Variants in CASP5 observed in about 807,000 individuals in gnomAD.
CASP5 encodes caspase 5, also known as caspase-5.
In CASP5, 42 loss-of-function variants were observed where a neutral mutation model predicts 45.2. That is an observed-to-expected ratio of 0.93 (90% CI 0.73 to 1.20). The LOEUF is 1.20. Among genes scored for constraint, CASP5 ranks in the 50% most tolerant of loss-of-function variants. The probability of loss-of-function intolerance (pLI) is 0.00; values close to 1 mark genes in which losing one functional copy is unlikely to be tolerated. For missense variants in CASP5, 512 were observed against 532.2 expected, an observed-to-expected ratio of 0.96 and a Z score of 0.37; for synonymous variants, 209 against 186.2, an observed-to-expected ratio of 1.12 and a Z score of -1.00.
chr11:105,003,530 A>G (rs1861854451), intron 3 of CASP5, 147 bp from the exon 4 acceptor site: 1 of 520,432 alleles, frequency 1.9e-6, no homozygotes, highest in African/African-American at 2.0e-5. Context: ...TTTCCAGCTT[A>G]AGGAAATGTG....
chr11:105,016,709 G>A (rs1862622845), intron 1 of CASP5, among the ~76,000 whole-genome samples: 1 of 152,188 alleles, frequency 6.6e-6, no homozygotes, highest in African/African-American at 2.4e-5. Context: ...CAAACTGCAA[G>A]GCAGCAGCGA....
chr11:105,000,575 A>C, intron 5 of CASP5, 80 bp from the exon 6 acceptor site: 1 of 1,284,354 alleles, frequency 7.8e-7, no homozygotes, highest in Non-Finnish European at 1.1e-6. Context: ...TGAGCGAAAC[A>C]AGAAACATAT....
Position 105,001,080 on chromosome 11 carries a change from T to C in CASP5, c.718-585A>G, listed in dbSNP as rs71484373. On this transcript the variant is annotated intron_variant, in intron 5 of 9. Transcript: ENST00000260315. ...CCTTCCGGTAGTGCCGTCCAACTCC[T>C]GTGTTCTCTCCCCACAGAGGCTTTT... Among the ~76,000 whole-genome samples the C allele has an allele frequency of 5.2e-3, 791 of 152,314 alleles. 2 individuals are homozygous for C. Among genetic ancestry groups the C allele is most frequent in the Non-Finnish European group, 8.1e-3 (551 of 68,022 alleles).
In CASP5 at chr11:104,999,018, C is replaced by T. The variant is rs1861601824; in HGVS notation, c.963G>A (p.Gly321=). The T allele has an allele frequency of 6.3e-7, 1 of 1,595,846 alleles. No homozygotes were observed. Among genetic ancestry groups the T allele is most frequent in the East Asian group, 2.2e-5 (1 of 44,792 alleles). Residue 321 remains glycine (G), a synonymous_variant, in exon 7 of 10, where the codon GGG becomes GGA. Transcript: ENST00000260315. ...CTGGAGAGTCTCTGACCCAGAGTTC[C>T]CCATGTTTTTCTGTAGAGACATCAA... The part of the protein sequence containing the change: ...IVQACRGEKH[G]ELWVRDSPAS...
chr11:105,015,153 A>G (rs1489383734), intron 1 of CASP5, among the ~76,000 whole-genome samples: 1 of 152,218 alleles, frequency 6.6e-6, no homozygotes, highest in Non-Finnish European at 1.5e-5. Flanking sequence ...ACAGAACATT[A>G]GAGTGTTGAG....
intron 3 of CASP5, among the ~76,000 whole-genome samples, chr11:105,005,785 T>C (rs1334489350): frequency 1.3e-5 from 2 of 152,068 alleles, no homozygotes; most frequent in African/African-American, 4.8e-5. Context: ...ACAAATATGA[T>C]TCCTATTTGT....
In CASP5 at chr11:105,002,232, T is replaced by C. The variant is rs752701877; in HGVS notation, c.544-31A>G. The C allele has an allele frequency of 1.5e-5, 24 of 1,608,912 alleles. No homozygotes were observed. In the Admixed American group the frequency reaches 3.5e-4, roughly 24 times the overall value. The stretch of plus-strand genomic sequence containing the variant: ...GGAGATGGAGATGAAGCAACTTTGA[T>C]TACCCGAGTCTCTTTTCAACCCCCA... On this transcript the variant is annotated intron_variant, in intron 4 of 9. Transcript: ENST00000260315.
chr11:105,000,554 T>C, intron 5 of CASP5, 59 bp from the exon 6 acceptor site: 1 of 1,468,870 alleles, frequency 6.8e-7, no homozygotes, highest in Non-Finnish European at 9.5e-7. Context: ...TAGGACCTCC[T>C]AGATTTACCA....
chr11:105,001,150 CAT>C (rs935023899), intron 5 of CASP5, among the ~76,000 whole-genome samples: 1 of 152,230 alleles, frequency 6.6e-6, no homozygotes, highest in Non-Finnish European at 1.5e-5. Context: ...CATTCTCTCT[CAT>C]GTTTCCTTTT....
intron 1 of CASP5, among the ~76,000 whole-genome samples, chr11:105,017,365 C>T (rs149519553): frequency 0.039 from 5,903 of 152,134 alleles, 194 homozygotes; most frequent in Non-Finnish European, 0.061. Flanking sequence ...CTCCGAGCTA[C>T]GGGAGGACAT....
At chr11:105,009,802 T>G (rs1565388304) in intron 1 of CASP5, among the ~76,000 whole-genome samples, 1 of 114,514 alleles carries the variant, frequency 8.7e-6, no homozygotes, top group Non-Finnish European at 1.7e-5. Context: ...CGTATATATA[T>G]ATATACACAC....
intron 4 of CASP5, among the ~76,000 whole-genome samples, chr11:105,002,718 G>A (rs1425360953): frequency 6.6e-6 from 1 of 152,096 alleles, no homozygotes; most frequent in Non-Finnish European, 1.5e-5. Flanking sequence ...GGCTTTATCT[G>A]AAATTGTAAT....
chr11:104,995,757 AAG>A lies in CASP5; in HGVS notation c.1290_1291del (p.Phe431SerfsTer36), dbSNP rs1342976589. 6.2e-7 allele frequency: 1 copy of A among 1,608,752 alleles called. No individual in the cohort carries two copies. The highest frequency in any genetic ancestry group is 1.7e-5 in the Admixed American group (1 of 59,886). On this transcript the variant is annotated frameshift_variant, in exon 9 of 10. Transcript: ENST00000260315. LOFTEE classifies it high-confidence loss of function. ...ATACTTACATTTTCAATTGCCAGGA[AAG>A]AGGTAGAAATCTCTTGTCAAGGTTG...
chr11:105,000,637 A>T (rs1168870062), intron 5 of CASP5, 142 bp from the exon 6 acceptor site: 29 of 730,752 alleles, frequency 4.0e-5, no homozygotes, highest in Non-Finnish European at 3.1e-5. Context: ...TCATGACAGC[A>T]GTTTTATGTT....
chr11:104,997,627 T>C (rs1049887585), intron 7 of CASP5, 135 bp from the exon 8 acceptor site: 7 of 528,588 alleles, frequency 1.3e-5, no homozygotes, highest in Admixed American at 1.1e-4. Context: ...TTTACTTAGG[T>C]TTCACACAGA....
intron 1 of CASP5, among the ~76,000 whole-genome samples, chr11:105,016,604 C>T (rs1862614212): frequency 6.6e-6 from 1 of 150,778 alleles, no homozygotes; most frequent in Non-Finnish European, 1.5e-5. Flanking sequence ...TTCCAACCGG[C>T]TTAAAAAATG....
chr11:105,014,124 T>C (rs888069675), intron 1 of CASP5, among the ~76,000 whole-genome samples: 10 of 152,142 alleles, frequency 6.6e-5, no homozygotes, highest in African/African-American at 2.4e-4. Context: ...TCTCAGCTTA[T>C]TCTAACCTAG....
chr11:104,998,779 C>T, intron 7 of CASP5, 106 bp downstream of exon 7: 1 of 1,084,646 alleles, frequency 9.2e-7, no homozygotes, highest in Non-Finnish European at 1.4e-6. Flanking sequence ...GAGCACACAC[C>T]ATTCTCTCAG....
At chr11:105,009,741 A>ACT (rs1341863592) in intron 1 of CASP5, among the ~76,000 whole-genome samples, 1 of 73,950 alleles carries the variant, frequency 1.4e-5, no homozygotes, top group African/African-American at 5.7e-5. Flanking sequence ...ATATATATAT[A>ACT]TATATATATA....
Sources: gnomAD v4.1 joint callset for allele counts (sites outside exome capture counted in the v4.1 genomes callset) on GRCh38, gnomAD v4.1.1 for gene constraint, MANE v1.5 for transcripts, NCBI Gene and HGNC (gene_info 2026-07-23, HGNC 2026-07-21) for gene names.